CNTN5: variants seen among roughly 807,000 people sequenced by gnomAD.
CNTN5 encodes the protein contactin 5.
A neutral mutation model predicts 129.1 loss-of-function variants in CNTN5; 77 were observed. The observed-to-expected ratio is 0.60, with a 90% CI of 0.50 to 0.72. CNTN5 has a LOEUF of 0.72. Ranked by LOEUF, CNTN5 falls within the 30% of genes least tolerant of loss-of-function variation. The pLI is 0.00. For synonymous variants in CNTN5, 509 were observed against 465.6 expected, an observed-to-expected ratio of 1.09 and a Z score of -1.20; for missense variants, 1,478 against 1,328.8, an observed-to-expected ratio of 1.11 and a Z score of -1.75.
chr11:99,852,305 G>A (rs1947898111), intron 6 of CNTN5, among the ~76,000 whole-genome samples: 1 of 152,056 alleles, frequency 6.6e-6, no homozygotes, highest in South Asian at 2.1e-4. Flanking sequence ...TAAGTTCAGA[G>A]GAAACAATTT....
At chr11:100,213,206 A>G (rs1949068537) in intron 15 of CNTN5, among the ~76,000 whole-genome samples, 2 of 152,288 alleles carry the variant, frequency 1.3e-5, no homozygotes, top group South Asian at 4.1e-4. Context: ...ATCAAGCCCT[A>G]TCAATATGAA....
chr11:99,374,458 C>T (rs1028904574), intron 2 of CNTN5, among the ~76,000 whole-genome samples: 1 of 151,954 alleles, frequency 6.6e-6, no homozygotes, highest in African/African-American at 2.4e-5. Context: ...CCAAGGCCGG[C>T]GGATCACGAG....
chr11:99,683,872 A>G (rs1953668299), intron 3 of CNTN5, among the ~76,000 whole-genome samples: 1 of 150,612 alleles, frequency 6.6e-6, no homozygotes, highest in Admixed American at 6.6e-5. Flanking sequence ...GTTTTGATAC[A>G]TGTTTATACA....
intron 2 of CNTN5, among the ~76,000 whole-genome samples, chr11:99,509,187 G>T (rs1946741968): frequency 6.6e-6 from 1 of 151,966 alleles, no homozygotes; most frequent in African/African-American, 2.4e-5. Flanking sequence ...AGAAGATTTG[G>T]CCAACAAGAA....
chr11:99,216,581 A>T (rs574666512), intron 1 of CNTN5, among the ~76,000 whole-genome samples: 5 of 151,832 alleles, frequency 3.3e-5, no homozygotes, highest in Non-Finnish European at 7.3e-5. Flanking sequence ...CATACGCTGG[A>T]TAATATCTTT....
intron 1 of CNTN5, among the ~76,000 whole-genome samples, chr11:99,300,238 T>G (rs1420275322): frequency 6.6e-6 from 1 of 152,148 alleles, no homozygotes; most frequent in African/African-American, 2.4e-5. Flanking sequence ...CCATTGACTA[T>G]GATGTTGTCA....
At position 100,144,803 on chromosome 11, in the gene CNTN5, A is replaced by C. The variant is rs150846033; in HGVS notation, c.1581-46323A>C. Among the ~76,000 whole-genome samples, 450 of 151,988 alleles carry C rather than the reference A, an allele frequency of 3.0e-3. 2 individuals are homozygous for C. The highest frequency in any genetic ancestry group is 0.01 in the African/African-American group (425 of 41,490). On this transcript the variant is annotated intron_variant, in intron 13 of 24. Transcript: ENST00000524871. ...GGGAACATTATTCTTGTATTTCATA[A>C]TAAAGCCCTGTACTTGGTTATAATG...
rs558561550 is a variant in CNTN5, at chr11:99,910,405, A to G, written c.578-5649A>G. 3.5e-4 allele frequency among the ~76,000 whole-genome samples: 53 copies of G among 152,202 alleles called. 1 individual carries two copies. Among genetic ancestry groups the G allele is most frequent in the Admixed American group, 2.1e-3 (32 of 15,258 alleles). ...AGCCATTCTGTGCAGACAAATGACT[A>G]TGTATTAGAGAATGCTAATTTAATT... On this transcript the variant is annotated intron_variant, in intron 6 of 24. Coordinates refer to ENST00000524871, the MANE Select transcript of CNTN5 (RefSeq NM_014361.4).
chr11:99,905,694 G>C (rs983501883), intron 6 of CNTN5, among the ~76,000 whole-genome samples: 19 of 152,126 alleles, frequency 1.2e-4, no homozygotes, highest in Admixed American at 2.0e-4. Context: ...ATGGTATCTT[G>C]ATGGGGATAT....
intron 2 of CNTN5, among the ~76,000 whole-genome samples, chr11:99,380,311 C>T (rs750592955): frequency 6.6e-6 from 1 of 152,128 alleles, no homozygotes; most frequent in Non-Finnish European, 1.5e-5. Context: ...TATTTATTTA[C>T]AGTTTTATTT....
chr11:99,472,605 G>A (rs1334948826), intron 2 of CNTN5, among the ~76,000 whole-genome samples: 1 of 152,114 alleles, frequency 6.6e-6, no homozygotes, highest in African/African-American at 2.4e-5. Flanking sequence ...AAAATTTGCA[G>A]CCAAGCGACA....
intron 16 of CNTN5, among the ~76,000 whole-genome samples, chr11:100,242,484 T>C (rs1392005178): frequency 6.6e-6 from 1 of 152,152 alleles, no homozygotes; most frequent in Non-Finnish European, 1.5e-5. Context: ...CCACAGGCTG[T>C]ACAGGAAGTA....
intron 2 of CNTN5, among the ~76,000 whole-genome samples, chr11:99,532,190 G>T (rs1232746838): frequency 6.6e-6 from 1 of 152,156 alleles, no homozygotes; most frequent in Non-Finnish European, 1.5e-5. Context: ...TGACCTGGTT[G>T]TGAGACCTGG....
At chr11:99,025,663 A>G (rs1331065579) in intron 1 of CNTN5, among the ~76,000 whole-genome samples, 1 of 151,802 alleles carries the variant, frequency 6.6e-6, no homozygotes, top group African/African-American at 2.4e-5. Context: ...GAGAGATATT[A>G]TAATGATAGT....
intron 1 of CNTN5, among the ~76,000 whole-genome samples, chr11:99,287,981 T>A (rs1864012636): frequency 6.6e-6 from 1 of 152,030 alleles, no homozygotes; most frequent in Admixed American, 6.6e-5. Context: ...TAATTCCACA[T>A]TCTCAAGGAC....
intron 8 of CNTN5, among the ~76,000 whole-genome samples, chr11:99,988,813 A>G (rs1348899178): frequency 1.3e-5 from 2 of 151,124 alleles, no homozygotes; most frequent in African/African-American, 4.9e-5. Flanking sequence ...CCACTTTGAA[A>G]ATATTCTCCC....
At chr11:100,126,944 G>A (rs1946201326) in intron 13 of CNTN5, among the ~76,000 whole-genome samples, 1 of 151,688 alleles carries the variant, frequency 6.6e-6, no homozygotes, top group African/African-American at 2.4e-5. Flanking sequence ...TTTTGAGATA[G>A]GGTCCCGTTC....
At chr11:99,676,721 T>G (rs578212545) in intron 3 of CNTN5, among the ~76,000 whole-genome samples, 53 of 152,194 alleles carry the variant, frequency 3.5e-4, no homozygotes, top group Non-Finnish European at 6.3e-4. Context: ...ACTTAAAGTA[T>G]AATTAAAAAA....
chr11:99,223,110 A>G (rs1273148343), intron 1 of CNTN5, among the ~76,000 whole-genome samples: 3 of 152,150 alleles, frequency 2.0e-5, no homozygotes, highest in Non-Finnish European at 2.9e-5. Flanking sequence ...GCATGTAATT[A>G]GGGACCAGAC....
Sources: allele counts gnomAD v4.1 joint callset (sites outside exome capture counted in the v4.1 genomes callset), GRCh38; gene constraint gnomAD v4.1.1; transcripts MANE v1.5; gene names NCBI Gene and HGNC (gene_info 2026-07-23, HGNC 2026-07-21).